The following PI4K2B variants were observed in gnomAD, a reference collection of about 807,000 sequenced individuals.
PI4K2B encodes the protein phosphatidylinositol 4-kinase type 2-beta.
In PI4K2B, 46 loss-of-function variants were observed where a neutral mutation model predicts 56.6. The ratio of observed to expected loss-of-function variants is 0.81; its 90% CI spans 0.64 to 1.04. PI4K2B has a LOEUF of 1.04. Ranked by LOEUF, PI4K2B falls within the 50% of genes least tolerant of loss-of-function variation. The pLI is 0.00. For missense variants in PI4K2B, 556 were observed against 607.7 expected (o/e 0.91, Z 0.89); for synonymous variants, 211 against 223.8 (o/e 0.94, Z 0.51).
chr4:25,267,780 C>T (rs1716720006), intron 7 of PI4K2B: 1 of 979,908 alleles, frequency 1.0e-6, no homozygotes, highest in Admixed American at 6.1e-5. Flanking sequence ...TTAGAGATAG[C>T]TTAGAGTCAT....
chr4:25,253,588 A>G (rs1053733579), intron 2 of PI4K2B, among the ~76,000 whole-genome samples: 1 of 152,168 alleles, frequency 6.6e-6, no homozygotes, highest in Non-Finnish European at 1.5e-5. Flanking sequence ...AGTGACTCAG[A>G]CCTTATTGCA....
At chr4:25,259,302 CTCTG>C (rs1716367936) in intron 5 of PI4K2B, 112 bp downstream of exon 5, 1 of 704,150 alleles carries the variant, frequency 1.4e-6, no homozygotes. Context: ...AAGCCACTTT[CTCTG>C]TCTGTCTTGG....
Position 25,264,240 on chromosome 4 carries a change from A to G in PI4K2B, c.1078+391A>G, listed in dbSNP as rs1271229290. Among the ~76,000 whole-genome samples the G allele has an allele frequency of 3.9e-5, 6 of 152,254 alleles. No homozygotes were observed. The South Asian group carries it at 1.0e-3, about 26-fold the overall frequency. ...CTCATTTTTAGGGAGTAGTGCTTTA[A>G]TTGCTTTCCCAGTCTCTTTTGTGGT... is the stretch of plus-strand genomic sequence containing the variant. On this transcript the variant is annotated intron_variant, in intron 7 of 9. Transcript: ENST00000264864.
chr4:25,259,514 A>C (rs1716378258), intron 5 of PI4K2B, among the ~76,000 whole-genome samples: 1 of 152,146 alleles, frequency 6.6e-6, no homozygotes, highest in African/African-American at 2.4e-5. Flanking sequence ...TTAGGTGCTT[A>C]TTTTGACATT....
chr4:25,238,963 C>T (rs533956107), intron 1 of PI4K2B, among the ~76,000 whole-genome samples: 1 of 152,226 alleles, frequency 6.6e-6, no homozygotes, highest in Non-Finnish European at 1.5e-5. Flanking sequence ...CTGATTGGTC[C>T]ATTTTGACAG....
At chr4:25,270,734 C>T (rs1478176856) in intron 9 of PI4K2B, among the ~76,000 whole-genome samples, 1 of 152,136 alleles carries the variant, frequency 6.6e-6, no homozygotes, top group Non-Finnish European at 1.5e-5. Context: ...AGGCTGGGCT[C>T]ACTGTTAGAT....
chr4:25,264,185 A>T (rs1206926073), intron 7 of PI4K2B, among the ~76,000 whole-genome samples: 1 of 152,200 alleles, frequency 6.6e-6, no homozygotes, highest in East Asian at 1.9e-4. Context: ...ATTCACTTCT[A>T]AAACAATTTA....
chr4:25,265,198 CAAAA>C lies in PI4K2B; in HGVS notation c.1078+1369_1078+1372del, dbSNP rs71188933. ...CAACAAGAGTAAATCTCTGTCTCAC[CAAAA>C]AAAAAAAAAAAAAAAAAAATTTGTA... On this transcript the variant is annotated intron_variant, in intron 7 of 9. Transcript: ENST00000264864. Among the ~76,000 whole-genome samples the C allele has an allele frequency of 1.8e-3, 117 of 65,398 alleles. 1 individual carries two copies. The highest frequency in any genetic ancestry group is 2.7e-3 in the Non-Finnish European group (104 of 39,120). The allele number at this position is 65,398 out of a possible 152,430, so 42.9% of individuals were successfully genotyped here.
At chr4:25,245,640 C>T (rs190902447) in intron 1 of PI4K2B, among the ~76,000 whole-genome samples, 8 of 152,252 alleles carry the variant, frequency 5.3e-5, no homozygotes, top group African/African-American at 1.4e-4. Context: ...CCATGCTAGT[C>T]GCTTTTAACT....
chr4:25,257,731 A>G (rs574505447), intron 4 of PI4K2B, among the ~76,000 whole-genome samples: 5 of 152,300 alleles, frequency 3.3e-5, no homozygotes, highest in African/African-American at 1.2e-4. Context: ...CCTAACTTTT[A>G]AGATAAATTT....
chr4:25,260,279 A>C (rs887679793), intron 5 of PI4K2B, among the ~76,000 whole-genome samples: 3 of 152,096 alleles, frequency 2.0e-5, no homozygotes, highest in Non-Finnish European at 4.4e-5. Flanking sequence ...TGAGGATTAC[A>C]TGAATTATTA....
intron 1 of PI4K2B, among the ~76,000 whole-genome samples, chr4:25,243,420 A>G (rs1001936906): frequency 2.0e-5 from 3 of 152,112 alleles, no homozygotes; most frequent in African/African-American, 7.2e-5. Flanking sequence ...GGCCTGCTCC[A>G]TTTTCTGTCC....
chr4:25,242,670 T>A lies in PI4K2B; in HGVS notation c.268+8239T>A, dbSNP rs374598090. Among the ~76,000 whole-genome samples, 44 of 152,388 alleles carry A rather than the reference T, an allele frequency of 2.9e-4. 1 individual carries two copies. In the South Asian group the frequency reaches 9.1e-3, roughly 32 times the overall value. On this transcript the variant is annotated intron_variant, in intron 1 of 9. Transcript: ENST00000264864. ...TGCAGGGACTGCTGCATTTCCTTAC[T>A]AAGCCTTGAGCTTTCAAATGTTTAA... is the stretch of plus-strand genomic sequence containing the variant.
intron 1 of PI4K2B, among the ~76,000 whole-genome samples, chr4:25,246,988 G>A (rs796212705): frequency 1.7e-4 from 26 of 152,316 alleles, no homozygotes; most frequent in African/African-American, 5.5e-4. Flanking sequence ...GTTCCCACCC[G>A]CACCTGTCCC....
chr4:25,260,708 TTA>T (rs142981071), intron 6 of PI4K2B, 117 bp downstream of exon 6: 1,286 of 252,396 alleles, frequency 5.1e-3, no homozygotes, highest in Non-Finnish European at 6.8e-3. Flanking sequence ...CTTGTGAATA[TTA>T]TATATATATA....
intron 1 of PI4K2B, among the ~76,000 whole-genome samples, chr4:25,245,086 C>T (rs939228943): frequency 8.5e-5 from 13 of 152,132 alleles, no homozygotes; most frequent in Non-Finnish European, 1.6e-4. Context: ...CTCCCCATAT[C>T]CTAGCTTCAG....
intron 1 of PI4K2B, among the ~76,000 whole-genome samples, chr4:25,242,875 G>C (rs1715586373): frequency 6.6e-6 from 1 of 152,188 alleles, no homozygotes; most frequent in Admixed American, 6.5e-5. Context: ...ACAACAAATG[G>C]GTAACTTGTT....
At chr4:25,268,359 G>A in intron 7 of PI4K2B, 84 bp from the exon 8 acceptor site, 1 of 1,100,166 alleles carries the variant, frequency 9.1e-7, no homozygotes, top group South Asian at 1.4e-5. Context: ...GAGAACCTAG[G>A]AGTTGTAGGA....
intron 5 of PI4K2B, among the ~76,000 whole-genome samples, 156 bp from the exon 6 acceptor site, chr4:25,260,368 T>G (rs1305342103): frequency 1.3e-5 from 2 of 151,584 alleles, no homozygotes; most frequent in Non-Finnish European, 2.9e-5. Context: ...TTGTTTTTTT[T>G]TTTTTAGTTT....
Sources: gnomAD v4.1 joint callset for allele counts (sites outside exome capture counted in the v4.1 genomes callset) on GRCh38, gnomAD v4.1.1 for gene constraint, MANE v1.5 for transcripts, NCBI Gene and HGNC (gene_info 2026-07-23, HGNC 2026-07-21) for gene names.